The following PPP1R12B variants were observed in gnomAD, a reference collection of about 807,000 sequenced individuals.
PPP1R12B encodes the protein myosin phosphatase target subunit 2.
PPP1R12B carries 76 observed loss-of-function variants against 126.1 expected under a neutral mutation model. The observed-to-expected ratio is 0.60, with a 90% CI of 0.50 to 0.73. The LOEUF is 0.73. Ranked by LOEUF, PPP1R12B falls within the 30% of genes least tolerant of loss-of-function variation. The pLI, the probability that PPP1R12B is intolerant of heterozygous loss-of-function variation, is 0.00. For missense variants in PPP1R12B, 1,052 were observed against 1,205.1 expected (o/e 0.87, Z 1.88); for synonymous variants, 356 against 434.7 (o/e 0.82, Z 2.25).
rs778849793 is a variant in PPP1R12B at position 202,564,538 on chromosome 1, G to C, written c.2748G>C (p.Lys916Asn). Residue 916 changes from lysine to asparagine, a missense_variant, in exon 21 of 24, where the codon AAG becomes AAC. By Grantham distance (94) the Lys-to-Asn change is moderately conservative (BLOSUM62 0). Transcript: ENST00000608999. ...CAGATATAAAGTCCAAGCTTGAGAA[G>C]GTGGCCCAGGTAAGACGGAAGAAGA... The part of the protein sequence containing the change: ...ELADIKSKLE[K>N]VAQQKQEKTS... 6.2e-7 allele frequency: 1 copy of C among 1,609,196 alleles called. No individual in the cohort carries two copies.
rs1373116787 is a variant in PPP1R12B at position 202,565,853 on chromosome 1, G to C, written c.2757+1306G>C. ...ATAGCTATAGCCCTGCCATAAGGCA[G>C]CGGGGTGGACTGAATAAATCTCACT... On this transcript the variant is annotated intron_variant, in intron 21 of 23. Coordinates refer to ENST00000608999, the MANE Select transcript of PPP1R12B (RefSeq NM_002481.4). This position sits in a 1 kb window ranked among gnomAD's most constrained non-coding sequence, Gnocchi z 4.3. Among the ~76,000 whole-genome samples the C allele has an allele frequency of 6.6e-6, 1 of 151,948 alleles. No homozygotes were observed. Among genetic ancestry groups the C allele is most frequent in the East Asian group, 1.9e-4 (1 of 5,198 alleles).
intron 18 of PPP1R12B, among the ~76,000 whole-genome samples, chr1:202,531,811 T>G (rs1362780956): frequency 6.6e-6 from 1 of 152,336 alleles, no homozygotes; most frequent in Non-Finnish European, 1.5e-5. Context: ...AATTTCCACC[T>G]AACTGTTGAT....
intron 9 of PPP1R12B, among the ~76,000 whole-genome samples, chr1:202,436,295 C>CA (rs935773960): frequency 2.6e-4 from 39 of 151,852 alleles, no homozygotes; most frequent in Admixed American, 2.2e-3. Flanking sequence ...ACAACAACAA[C>CA]ACACACACAT....
chr1:202,434,744 C>T lies in PPP1R12B; in HGVS notation c.1230C>T (p.Thr410=). The part of the protein sequence containing the change: ...TEQIPAPAQN[T]FSASSARRFS... ...AGATACCAGCACCAGCTCAAAATAC[C>T]TTCTCTGCCTCTTCTGCTAGGAGGG... The change falls in exon 9 of 24, where the codon ACC becomes ACT. Residue 410 remains threonine, a synonymous_variant. Coordinates refer to ENST00000608999, the MANE Select transcript of PPP1R12B (RefSeq NM_002481.4). 2.5e-6 allele frequency: 4 copies of T among 1,613,790 alleles called. No homozygotes were observed. Among genetic ancestry groups the T allele is most frequent in the Non-Finnish European group, 3.4e-6 (4 of 1,179,928 alleles).
intron 18 of PPP1R12B, among the ~76,000 whole-genome samples, chr1:202,534,654 C>T (rs1684348025): frequency 6.7e-6 from 1 of 149,940 alleles, no homozygotes; most frequent in South Asian, 2.1e-4. Flanking sequence ...TTTGCTCAAT[C>T]CCTTGTGTAA....
intron 18 of PPP1R12B, among the ~76,000 whole-genome samples, chr1:202,501,314 GATA>G (rs1680203791): frequency 1.3e-5 from 2 of 152,170 alleles, no homozygotes; most frequent in Non-Finnish European, 2.9e-5. Context: ...CGCCACAGAA[GATA>G]ATGACCATTT....
chr1:202,423,798 C>G (rs558654017), intron 3 of PPP1R12B, among the ~76,000 whole-genome samples: 8 of 152,066 alleles, frequency 5.3e-5, no homozygotes, highest in African/African-American at 1.9e-4. Flanking sequence ...ATTGTCCTGC[C>G]GCAGCCTCCT....
chr1:202,438,507 G>T, intron 10 of PPP1R12B: 1 of 407,786 alleles, frequency 2.5e-6, no homozygotes. Flanking sequence ...AGGGCGAGGA[G>T]GAAGATGACC....
At chr1:202,428,767 A>C in intron 5 of PPP1R12B, 88 bp from the exon 6 acceptor site, 3 of 1,259,874 alleles carry the variant, frequency 2.4e-6, no homozygotes, top group Non-Finnish European at 3.3e-6. Flanking sequence ...AAAGGCAAAA[A>C]GTGACTTTTG....
At chr1:202,435,309 G>T (rs1020163154) in intron 9 of PPP1R12B, among the ~76,000 whole-genome samples, 4 of 151,328 alleles carry the variant, frequency 2.6e-5, no homozygotes, top group African/African-American at 9.7e-5. Flanking sequence ...CATGTGTTAA[G>T]ATAACATAAG....
intron 13 of PPP1R12B, among the ~76,000 whole-genome samples, chr1:202,460,564 A>G (rs1407817101): frequency 1.3e-5 from 2 of 152,222 alleles, no homozygotes; most frequent in African/African-American, 2.4e-5. Flanking sequence ...AACGACTCCA[A>G]TCTTTCTCCA....
rs747686262 is a variant in PPP1R12B at position 202,564,518 on chromosome 1, A to G, written c.2728A>G (p.Ile910Val). Residue 910 changes from isoleucine to valine, a missense_variant, in exon 21 of 24, where the codon ATA becomes GTA. Physicochemically the swap from Ile to Val is conservative, Grantham distance 29. Transcript: ENST00000608999. ...GGAAGCCCAGCTAGAGCTAGCAGAT[A>G]TAAAGTCCAAGCTTGAGAAGGTGGC... is the stretch of plus-strand genomic sequence containing the variant. ...LQEAQLELAD[I>V]KSKLEKVAQQ... 10 of 1,612,290 alleles carry G rather than the reference A, an allele frequency of 6.2e-6. No individual in the cohort carries two copies. The highest frequency in any genetic ancestry group is 3.3e-5 in the Admixed American group (2 of 59,988).
chr1:202,463,143 T>G (rs983731403), intron 13 of PPP1R12B: 4 of 892,578 alleles, frequency 4.5e-6, no homozygotes, highest in African/African-American at 3.6e-5. Flanking sequence ...GATGCATGTT[T>G]CTTTGGGAAA....
At chr1:202,553,975 G>A (rs907600625) in intron 18 of PPP1R12B, among the ~76,000 whole-genome samples, 1 of 152,202 alleles carries the variant, frequency 6.6e-6, no homozygotes, top group African/African-American at 2.4e-5. Context: ...TAGTCTAACA[G>A]TTGATTTGAT....
intron 1 of PPP1R12B, among the ~76,000 whole-genome samples, chr1:202,404,266 A>G (rs2741849): frequency 0.15 from 22,183 of 151,836 alleles, 1,659 homozygotes; most frequent in Middle Eastern, 0.25. Flanking sequence ...TAAAGTTCCA[A>G]TTTCTCAGTA....
chr1:202,508,159 G>T lies in PPP1R12B; in HGVS notation c.2490+11337G>T, dbSNP rs1681034940. 6.6e-6 allele frequency among the ~76,000 whole-genome samples: 1 copy of T among 152,152 alleles called. No homozygotes were observed. Among genetic ancestry groups the T allele is most frequent in the Admixed American group, 6.5e-5 (1 of 15,288 alleles). ...CCCAATTTTAACTTTTCTCCATACT[G>T]TCTCAGTCTTCAGTAAAGCAAGTTC... On this transcript the variant is annotated intron_variant, in intron 18 of 23. Coordinates refer to ENST00000608999, the MANE Select transcript of PPP1R12B (RefSeq NM_002481.4). This position sits in a 1 kb window ranked among gnomAD's most constrained non-coding sequence, Gnocchi z 4.5.
chr1:202,413,202 C>T (rs1416678946), intron 1 of PPP1R12B, among the ~76,000 whole-genome samples: 1 of 151,878 alleles, frequency 6.6e-6, no homozygotes, highest in Non-Finnish European at 1.5e-5. Flanking sequence ...ATCTCAGTAA[C>T]TGTAAAAGAA....
intron 1 of PPP1R12B, among the ~76,000 whole-genome samples, chr1:202,406,693 G>T (rs1211313567): frequency 2.0e-5 from 3 of 152,068 alleles, no homozygotes; most frequent in Admixed American, 6.6e-5. Context: ...TCTAGTTTCC[G>T]TATTCTTTTT....
At chr1:202,438,374 C>A in intron 10 of PPP1R12B, 1 of 755,896 alleles carries the variant, frequency 1.3e-6, no homozygotes, top group Non-Finnish European at 2.1e-6. Flanking sequence ...TCCAGAGGGC[C>A]AATTCCCGTC....
Sources: gnomAD v4.1 joint callset for allele counts (sites outside exome capture counted in the v4.1 genomes callset) on GRCh38, gnomAD v4.1.1 for gene constraint, Gnocchi (gnomAD v3.1) non-coding constraint, MANE v1.5 for transcripts, NCBI Gene and HGNC (gene_info 2026-07-23, HGNC 2026-07-21) for gene names.